Variants in PDZRN4 observed in about 807,000 individuals in gnomAD.
PDZRN4 encodes PDZ domain containing ring finger 4.
In PDZRN4, 70 loss-of-function variants were observed where a neutral mutation model predicts 99.0. That is an observed-to-expected ratio of 0.71 (90% CI 0.58 to 0.86). The LOEUF (loss-of-function observed/expected upper bound fraction) is 0.86. Ranked by LOEUF, PDZRN4 falls within the 40% of genes least tolerant of loss-of-function variation. The pLI is 0.00. For synonymous variants in PDZRN4, 551 were observed against 501.6 expected, an observed-to-expected ratio of 1.10 and a Z score of -1.32; for missense variants, 1,474 against 1,331.2, an observed-to-expected ratio of 1.11 and a Z score of -1.67.
At chr12:41,499,199 G>C (rs932004601) in intron 3 of PDZRN4, among the ~76,000 whole-genome samples, 2 of 151,942 alleles carry the variant, frequency 1.3e-5, no homozygotes, top group African/African-American at 2.4e-5. Flanking sequence ...CTAACCATTG[G>C]CTTAACCAAA....
intron 3 of PDZRN4, among the ~76,000 whole-genome samples, chr12:41,366,441 A>G (rs1952001177): frequency 6.6e-6 from 1 of 152,114 alleles, no homozygotes; most frequent in East Asian, 1.9e-4. Flanking sequence ...ATCTAAATAT[A>G]AGGTTGAGCT....
chr12:41,328,403 C>A (rs1395967653), intron 3 of PDZRN4, among the ~76,000 whole-genome samples: 1 of 152,052 alleles, frequency 6.6e-6, no homozygotes, highest in South Asian at 2.1e-4. Flanking sequence ...GTGTCACATG[C>A]CTGTAATCCC....
chr12:41,275,533 A>AG (rs1292943118), intron 3 of PDZRN4, among the ~76,000 whole-genome samples: 4 of 152,130 alleles, frequency 2.6e-5, no homozygotes, highest in Non-Finnish European at 5.9e-5. Flanking sequence ...GTGACAGGGG[A>AG]GGCAGGAAGG....
Position 41,417,437 on chromosome 12 carries a change from T to C in PDZRN4, c.844-89019T>C, listed in dbSNP as rs574065676. On this transcript the variant is annotated intron_variant, in intron 3 of 9. Coordinates refer to ENST00000402685, the MANE Select transcript of PDZRN4 (RefSeq NM_001164595.2). ...GTTTAGGAGATTTATATGATGATGTTCTTCCTTAATTTAGCCACTATTTTA... is the reference window on the plus strand; with the variant it reads ...GTTTAGGAGATTTATATGATGATGTCCTTCCTTAATTTAGCCACTATTTTA... Among the ~76,000 whole-genome samples, 339 of 152,328 alleles carry C rather than the reference T, an allele frequency of 2.2e-3. 2 individuals are homozygous for C. Among genetic ancestry groups the C allele is most frequent in the Middle Eastern group, 0.02 (6 of 294 alleles).
chr12:41,405,540 G>C (rs1025317753), intron 3 of PDZRN4, among the ~76,000 whole-genome samples: 6 of 152,146 alleles, frequency 3.9e-5, no homozygotes, highest in Admixed American at 3.3e-4. Flanking sequence ...GCAGTTAAGA[G>C]ATTTCTCAAA....
chr12:41,469,957 A>C (rs1952970841), intron 3 of PDZRN4, among the ~76,000 whole-genome samples: 1 of 152,148 alleles, frequency 6.6e-6, no homozygotes, highest in South Asian at 2.1e-4. Context: ...AATAAAAAAA[A>C]TAAAAATAAA....
chr12:41,192,703 T>G (rs933718088), intron 2 of PDZRN4, among the ~76,000 whole-genome samples: 1 of 152,216 alleles, frequency 6.6e-6, no homozygotes, highest in Non-Finnish European at 1.5e-5. Flanking sequence ...AAGGGATGAT[T>G]GATTTCAATA....
At position 41,573,735 on chromosome 12, in the gene PDZRN4, A is replaced by G. The variant is rs1050006596; in HGVS notation, c.2956A>G (p.Asn986Asp). 16 of 1,613,856 alleles carry G rather than the reference A, an allele frequency of 9.9e-6. No homozygotes were observed. The highest frequency in any genetic ancestry group is 1.3e-5 in the Non-Finnish European group (15 of 1,179,978). Residue 986 changes from asparagine to aspartate, a missense_variant, in exon 10 of 10, where the codon AAT becomes GAT. Physicochemically the swap from Asn to Asp is conservative, Grantham distance 23. Coordinates refer to ENST00000402685, the MANE Select transcript of PDZRN4 (RefSeq NM_001164595.2). ...CGGCAGTGAGGGCAAGAAGGAGATC[A>G]ATATCATTGAACTGAGTCACAAAAA... ...QSGSEGKKEI[N>D]IIELSHKKMM... is the part of the protein sequence containing the mutation.
At chr12:41,487,502 T>C (rs1308746521) in intron 3 of PDZRN4, among the ~76,000 whole-genome samples, 2 of 152,150 alleles carry the variant, frequency 1.3e-5, no homozygotes, top group African/African-American at 4.8e-5. Context: ...AGAATAGAAG[T>C]TGAAACACTA....
At chr12:41,422,520 G>A (rs1424721874) in intron 3 of PDZRN4, among the ~76,000 whole-genome samples, 1 of 152,126 alleles carries the variant, frequency 6.6e-6, no homozygotes, top group Non-Finnish European at 1.5e-5. Flanking sequence ...CATGACTGGG[G>A]AGGCCTCAGG....
chr12:41,380,184 T>A (rs1400399806), intron 3 of PDZRN4, among the ~76,000 whole-genome samples: 2 of 152,096 alleles, frequency 1.3e-5, no homozygotes, highest in Non-Finnish European at 2.9e-5. Context: ...TGATTTTCAT[T>A]GCATGGAATA....
chr12:41,205,584 C>G (rs560359592), intron 3 of PDZRN4, among the ~76,000 whole-genome samples: 1 of 151,816 alleles, frequency 6.6e-6, no homozygotes, highest in East Asian at 1.9e-4. Flanking sequence ...CTCCTTTAAC[C>G]TCACTAACTT....
intron 3 of PDZRN4, among the ~76,000 whole-genome samples, chr12:41,224,268 A>G (rs1950978145): frequency 6.6e-6 from 1 of 152,200 alleles, no homozygotes; most frequent in Non-Finnish European, 1.5e-5. Context: ...AAATGGGTAA[A>G]CAATGCTCAG....
At chr12:41,356,504 C>T (rs1445684822) in intron 3 of PDZRN4, among the ~76,000 whole-genome samples, 1 of 151,904 alleles carries the variant, frequency 6.6e-6, no homozygotes. Context: ...AAGAAGAATT[C>T]TATATTGACT....
At position 41,418,454 on chromosome 12, in the gene PDZRN4, A is replaced by G. The variant is rs144952982; in HGVS notation, c.844-88002A>G. 6.2e-3 allele frequency among the ~76,000 whole-genome samples: 949 copies of G among 152,342 alleles called. 5 individuals are homozygous for G. Among genetic ancestry groups the G allele is most frequent in the Non-Finnish European group, 0.01 (707 of 68,026 alleles). ...ATAGGAGGTAGTACCTACAGATACC[A>G]ACCTTAAAAATGGCCCTAAAGTAGT... On this transcript the variant is annotated intron_variant, in intron 3 of 9. Transcript: ENST00000402685.
intron 3 of PDZRN4, among the ~76,000 whole-genome samples, chr12:41,375,471 A>G (rs57932436): frequency 0.059 from 8,993 of 152,242 alleles, 657 homozygotes; most frequent in East Asian, 0.18. Context: ...ACTATTCTCA[A>G]TGAATTGCAT....
At chr12:41,211,269 T>C (rs1027029975) in intron 3 of PDZRN4, among the ~76,000 whole-genome samples, 1 of 152,030 alleles carries the variant, frequency 6.6e-6, no homozygotes, top group Non-Finnish European at 1.5e-5. Flanking sequence ...GATTCTAGAT[T>C]GGTATTTTAA....
chr12:41,228,166 G>A (rs907296074), intron 3 of PDZRN4, among the ~76,000 whole-genome samples: 1 of 152,100 alleles, frequency 6.6e-6, no homozygotes, highest in African/African-American at 2.4e-5. Flanking sequence ...AGAACGTTAT[G>A]AACAATCCTC....
At chr12:41,453,201 C>T (rs1952789498) in intron 3 of PDZRN4, among the ~76,000 whole-genome samples, 1 of 152,130 alleles carries the variant, frequency 6.6e-6, no homozygotes, top group Non-Finnish European at 1.5e-5. Context: ...ATGCCCCCCG[C>T]CCCTGGGGGA....
Sources: gnomAD v4.1 joint callset for allele counts (sites outside exome capture counted in the v4.1 genomes callset) on GRCh38, gnomAD v4.1.1 for gene constraint, MANE v1.5 for transcripts, NCBI Gene and HGNC (gene_info 2026-07-23, HGNC 2026-07-21) for gene names.